Variants in MED12L observed in about 807,000 individuals in gnomAD.
MED12L encodes mediator complex subunit 12L, also known as mediator of RNA polymerase II transcription subunit 12-like protein.
Under a neutral mutation model 281.3 loss-of-function variants are expected in MED12L, and 60 were observed. The ratio of observed to expected loss-of-function variants is 0.21; its 90% CI spans 0.17 to 0.26. MED12L has a LOEUF of 0.26. Among genes scored for constraint, MED12L ranks in the 10% least tolerant of loss-of-function variants. The pLI, the probability that MED12L is intolerant of heterozygous loss-of-function variation, is 1.00. For synonymous variants in MED12L, 974 were observed against 987.2 expected (o/e 0.99, Z 0.25); for missense variants, 2,146 against 2,680.9 (o/e 0.80, Z 4.41).
At chr3:151,160,307 G>GT (rs1487712914) in intron 8 of MED12L, among the ~76,000 whole-genome samples, 2 of 152,184 alleles carry the variant, frequency 1.3e-5, no homozygotes, top group Non-Finnish European at 2.9e-5. Context: ...CTAGGAGAGT[G>GT]TTATTGCAGT....
At chr3:151,230,539 C>T (rs1037487003) in intron 16 of MED12L, among the ~76,000 whole-genome samples, 8 of 151,064 alleles carry the variant, frequency 5.3e-5, no homozygotes, top group African/African-American at 1.5e-4. Context: ...GACTGTGAAA[C>T]GTGCCAGGAC....
Position 151,369,549 on chromosome 3 carries a change from G to A in MED12L, c.3664G>A (p.Gly1222Arg). The change falls in exon 26 of 45, where the codon GGA (glycine) becomes AGA (arginine). Residue 1222 changes from glycine to arginine, a missense_variant and splice_region_variant. Gly to Arg is a moderately radical substitution (Grantham distance 125). Coordinates refer to ENST00000687756, the MANE Select transcript of MED12L (RefSeq NM_001393769.1). Reference sequence around the variant, plus strand: ...TGTCTTAAAAGCAATTATGATGCTTGGTAAGATTATTCTGACCCTAAGCTT... The same window carrying A: ...TGTCTTAAAAGCAATTATGATGCTTAGTAAGATTATTCTGACCCTAAGCTT... Reference protein sequence around the residue: ...FAVLKAIMMLGDAKIGNNSVS... With the variant: ...FAVLKAIMMLRDAKIGNNSVS... 1 of 1,587,136 alleles carries A rather than the reference G, an allele frequency of 6.3e-7. No homozygotes were observed. The highest frequency in any genetic ancestry group is 8.6e-7 in the Non-Finnish European group (1 of 1,160,760).
chr3:151,223,692 G>A (rs923460426), intron 16 of MED12L, among the ~76,000 whole-genome samples: 2 of 152,194 alleles, frequency 1.3e-5, no homozygotes, highest in African/African-American at 4.8e-5. Flanking sequence ...CCAAAGACGG[G>A]GAGGTAGGAA....
At chr3:151,416,278 T>A in intron 42 of MED12L, 34 bp from the exon 43 acceptor site, 1 of 1,612,480 alleles carries the variant, frequency 6.2e-7, no homozygotes, top group East Asian at 2.2e-5. Context: ...TTCTTCTTCC[T>A]TTTAAGTGTA....
chr3:151,198,542 G>A, intron 16 of MED12L: 1 of 1,614,004 alleles, frequency 6.2e-7, no homozygotes, highest in Non-Finnish European at 8.5e-7. Flanking sequence ...GTACAGGATA[G>A]GATCAAAGCA....
At chr3:151,421,239 A>G (rs1718211626) in intron 43 of MED12L, among the ~76,000 whole-genome samples, 2 of 152,156 alleles carry the variant, frequency 1.3e-5, no homozygotes, top group African/African-American at 4.8e-5. Flanking sequence ...CTTGATTATT[A>G]AAATCTTCCT....
intron 16 of MED12L, among the ~76,000 whole-genome samples, chr3:151,297,856 G>T (rs1320692297): frequency 6.6e-6 from 1 of 152,088 alleles, no homozygotes; most frequent in African/African-American, 2.4e-5. Flanking sequence ...GGTTGTGTGT[G>T]TGTGTATACA....
intron 16 of MED12L, among the ~76,000 whole-genome samples, chr3:151,333,806 A>G (rs918042857): frequency 2.6e-5 from 4 of 152,148 alleles, no homozygotes; most frequent in Non-Finnish European, 5.9e-5. Flanking sequence ...TTGGCCAGGC[A>G]TGGTGGCTCA....
At chr3:151,162,177 C>T (rs374175738) in intron 8 of MED12L, among the ~76,000 whole-genome samples, 65 of 152,166 alleles carry the variant, frequency 4.3e-4, no homozygotes, top group African/African-American at 1.4e-3. Flanking sequence ...TTTGATAGAT[C>T]AGTGCCCTGG....
chr3:151,287,360 G>T (rs997408036), intron 16 of MED12L, among the ~76,000 whole-genome samples: 6 of 152,138 alleles, frequency 3.9e-5, no homozygotes, highest in African/African-American at 1.4e-4. Context: ...AGCTACAGTG[G>T]GTACCAGGCC....
intron 39 of MED12L, among the ~76,000 whole-genome samples, chr3:151,402,059 A>G (rs1715750255): frequency 1.3e-5 from 2 of 152,218 alleles, no homozygotes; most frequent in Non-Finnish European, 2.9e-5. Flanking sequence ...CTAAAGACCA[A>G]TGTACAAATG....
chr3:151,170,993 T>C (rs751098491), intron 11 of MED12L, among the ~76,000 whole-genome samples: 3 of 152,232 alleles, frequency 2.0e-5, no homozygotes, highest in Non-Finnish European at 4.4e-5. Context: ...GATGTCAAGA[T>C]CTGCATGTAA....
chr3:151,176,629 T>C (rs569836055), intron 11 of MED12L, among the ~76,000 whole-genome samples: 4 of 28,092 alleles, frequency 1.4e-4, no homozygotes, highest in Non-Finnish European at 2.0e-4. Context: ...ATTATCTGGG[T>C]GGGTGGGGGT....
intron 16 of MED12L, among the ~76,000 whole-genome samples, chr3:151,254,004 T>TA (rs1388356720): frequency 6.6e-6 from 1 of 151,396 alleles, no homozygotes; most frequent in Non-Finnish European, 1.5e-5. Flanking sequence ...TTCTTGTTTT[T>TA]TTTTTTTGTT....
chr3:151,211,196 T>C (rs1392763998), intron 16 of MED12L, among the ~76,000 whole-genome samples: 3 of 152,264 alleles, frequency 2.0e-5, no homozygotes, highest in African/African-American at 4.8e-5. Context: ...ATATTACTTT[T>C]GCATTGCTAT....
intron 11 of MED12L, among the ~76,000 whole-genome samples, chr3:151,182,881 C>T (rs758931292): frequency 2.6e-5 from 4 of 152,040 alleles, no homozygotes; most frequent in Non-Finnish European, 4.4e-5. Context: ...TTTAGCTTGC[C>T]TCTCATTACA....
At chr3:151,307,717 G>GATTC (rs1442936679) in intron 16 of MED12L, among the ~76,000 whole-genome samples, 3 of 152,062 alleles carry the variant, frequency 2.0e-5, no homozygotes, top group Non-Finnish European at 4.4e-5. Flanking sequence ...AACTGAGCAG[G>GATTC]ATTCAACAAC....
intron 2 of MED12L, among the ~76,000 whole-genome samples, chr3:151,113,689 CT>C (rs1427959166): frequency 1.3e-5 from 2 of 152,212 alleles, no homozygotes; most frequent in African/African-American, 2.4e-5. Context: ...CCAATAATAT[CT>C]GTGTGGCTCC....
rs1245597551 is a variant in MED12L at position 151,349,923 on chromosome 3, AGGT to A, written c.2251-134_2251-132del. The A allele has an allele frequency of 6.4e-5, 36 of 560,156 alleles. No homozygotes were observed. In the East Asian group the frequency reaches 1.1e-3, roughly 18 times the overall value. 34.7% of individuals were successfully genotyped at this position (560,156 alleles called of 1,614,324 possible). A position where few individuals can be genotyped will look rare whatever the true frequency, so the allele number is the denominator to read the frequency against. ...ACAAGGGTGTTGCCAGTGGAGGTTG[AGGT>A]GAATTGAAGGGAGGGCGGGATGCCA... On this transcript the variant is annotated intron_variant, in intron 16 of 44. Coordinates refer to ENST00000687756, the MANE Select transcript of MED12L (RefSeq NM_001393769.1).
Sources: allele counts gnomAD v4.1 joint callset (sites outside exome capture counted in the v4.1 genomes callset), GRCh38; gene constraint gnomAD v4.1.1; transcripts MANE v1.5; gene names NCBI Gene and HGNC (gene_info 2026-07-23, HGNC 2026-07-21).